RYR2: variants seen among roughly 807,000 people sequenced by gnomAD.
The protein encoded by RYR2 is cardiac muscle ryanodine receptor-calcium release channel.
RYR2 carries 227 observed loss-of-function variants against 601.1 expected under a neutral mutation model. The ratio of observed to expected loss-of-function variants is 0.38; its 90% CI spans 0.34 to 0.42. The LOEUF is 0.42. RYR2 is among the 10% of genes least tolerant of loss of function. The pLI, the probability that RYR2 is intolerant of heterozygous loss-of-function variation, is 1.00. For synonymous variants in RYR2, 2,223 were observed against 2,175.1 expected, an observed-to-expected ratio of 1.02 and a Z score of -0.61; for missense variants, 4,646 against 6,156.5, an observed-to-expected ratio of 0.75 and a Z score of 8.21.
intron 1 of RYR2, among the ~76,000 whole-genome samples, chr1:237,250,523 C>T (rs748393579): frequency 1.3e-5 from 2 of 152,282 alleles, no homozygotes; most frequent in Admixed American, 6.5e-5. Flanking sequence ...CGTGTCTAAT[C>T]TCAAGTGTGT....
intron 48 of RYR2, among the ~76,000 whole-genome samples, chr1:237,646,955 C>T (rs750599457): frequency 2.6e-5 from 4 of 152,276 alleles, no homozygotes; most frequent in Non-Finnish European, 4.4e-5. Context: ...TTGTGGCATT[C>T]ATTAGAAACA....
chr1:237,729,433 C>T (rs1468557191), intron 76 of RYR2, among the ~76,000 whole-genome samples: 6 of 152,140 alleles, frequency 3.9e-5, no homozygotes, highest in African/African-American at 1.4e-4. Flanking sequence ...GTTCCGGCTG[C>T]GTTGGCAGTT....
At chr1:237,208,964 A>ATATATATATATATATATG (rs1329970102) in intron 1 of RYR2, among the ~76,000 whole-genome samples, 5 of 104,584 alleles carry the variant, frequency 4.8e-5, no homozygotes, top group Admixed American at 3.1e-4. Flanking sequence ...ATATATATAT[A>ATATATATATATATATATG]TATATATATA....
chr1:237,353,275 G>A (rs1276881522), intron 3 of RYR2, among the ~76,000 whole-genome samples: 1 of 151,866 alleles, frequency 6.6e-6, no homozygotes, highest in Non-Finnish European at 1.5e-5. Flanking sequence ...ATGAATGCAC[G>A]AGATGGGTGG....
intron 55 of RYR2, among the ~76,000 whole-genome samples, chr1:237,660,521 A>C (rs908893993): frequency 1.3e-5 from 2 of 152,160 alleles, no homozygotes; most frequent in African/African-American, 4.8e-5. Context: ...ATATTACATA[A>C]GCTGTCCCTT....
At chr1:237,247,382 T>C (rs60602561) in intron 1 of RYR2, among the ~76,000 whole-genome samples, 4,977 of 152,290 alleles carry the variant, frequency 0.033, 277 homozygotes, top group African/African-American at 0.11. Flanking sequence ...TCTCCCTTTC[T>C]CACCTATTCA....
In RYR2 at chr1:237,833,594, G is replaced by A. The variant is rs1368693152; in HGVS notation, c.*947G>A. The A allele has an allele frequency of 3.3e-5, 5 of 152,664 alleles. No individual in the cohort carries two copies. Among genetic ancestry groups the A allele is most frequent in the Non-Finnish European group, 4.4e-5 (3 of 68,028 alleles). The allele number at this position is 152,664 out of a possible 1,614,324, so 9.5% of individuals were successfully genotyped here. A position where few individuals can be genotyped will look rare whatever the true frequency, so the allele number is the denominator to read the frequency against. On this transcript the variant is annotated 3_prime_UTR_variant, in exon 105 of 105. Coordinates refer to ENST00000366574, the MANE Select transcript of RYR2 (RefSeq NM_001035.3). ...TAATTATTCATAGTAATAAAGTGTC[G>A]TGGGCTTAATTGTATATCTGGAGCC...
In RYR2 at chr1:237,585,997, C is replaced by T. The variant is rs989869730; in HGVS notation, c.3599-3796C>T. 2.6e-5 allele frequency among the ~76,000 whole-genome samples: 4 copies of T among 152,138 alleles called. No individual in the cohort carries two copies. In the East Asian group the frequency reaches 7.7e-4, roughly 29 times the overall value. On this transcript the variant is annotated intron_variant, in intron 29 of 104. Coordinates refer to ENST00000366574, the MANE Select transcript of RYR2 (RefSeq NM_001035.3). ...AAAAATTGACTTTTAATACATCTCT[C>T]CTACTTAAAGAACTGAGATGATAGT...
chr1:237,248,568 A>G (rs1262450336), intron 1 of RYR2, among the ~76,000 whole-genome samples: 1 of 152,046 alleles, frequency 6.6e-6, no homozygotes, highest in Non-Finnish European at 1.5e-5. Flanking sequence ...TTCTTAGAAG[A>G]GGATGTTTTA....
chr1:237,188,334 G>C (rs371159346), intron 1 of RYR2, among the ~76,000 whole-genome samples: 2 of 151,192 alleles, frequency 1.3e-5, no homozygotes, highest in East Asian at 3.9e-4. Context: ...TGGTGTAGAT[G>C]ACTGTTTAAT....
intron 97 of RYR2, chr1:237,800,103 A>G (rs1659784146): frequency 6.6e-6 from 1 of 152,212 alleles, no homozygotes; most frequent in Non-Finnish European, 1.5e-5. Context: ...TGTGATACTG[A>G]TGGTATATTG....
chr1:237,327,159 T>A (rs1051076824), intron 2 of RYR2, among the ~76,000 whole-genome samples: 14 of 152,214 alleles, frequency 9.2e-5, no homozygotes, highest in African/African-American at 3.1e-4. Context: ...ACACTATTTT[T>A]TTTTTTAACT....
intron 1 of RYR2, among the ~76,000 whole-genome samples, chr1:237,255,446 C>A (rs1464935630): frequency 1.3e-5 from 2 of 152,098 alleles, no homozygotes; most frequent in South Asian, 2.1e-4. Context: ...TTCTTTTTAT[C>A]TTTTTCTAAA....
At chr1:237,064,041 T>G (rs1663222476) in intron 1 of RYR2, among the ~76,000 whole-genome samples, 2 of 152,188 alleles carry the variant, frequency 1.3e-5, no homozygotes, top group African/African-American at 4.8e-5. Context: ...TCATTCATTT[T>G]GGAAAATTCT....
At chr1:237,797,539 G>A (rs1280267239) in intron 96 of RYR2, among the ~76,000 whole-genome samples, 1 of 152,224 alleles carries the variant, frequency 6.6e-6, no homozygotes, top group Non-Finnish European at 1.5e-5. Flanking sequence ...TCATTGGCTG[G>A]GGAGTCAGGC....
chr1:237,230,986 G>T (rs115684050), intron 1 of RYR2, among the ~76,000 whole-genome samples: 1 of 150,964 alleles, frequency 6.6e-6, no homozygotes, highest in Non-Finnish European at 1.5e-5. Context: ...GAGTATGGTC[G>T]CTTTTTCCTG....
chr1:237,167,888 G>T (rs1676900396), intron 1 of RYR2, among the ~76,000 whole-genome samples: 2 of 152,072 alleles, frequency 1.3e-5, no homozygotes, highest in African/African-American at 4.8e-5. Flanking sequence ...CACTATGCCA[G>T]TCCATAAGTA....
intron 1 of RYR2, among the ~76,000 whole-genome samples, chr1:237,093,730 C>T (rs917532183): frequency 4.6e-5 from 7 of 152,104 alleles, no homozygotes; most frequent in African/African-American, 1.2e-4. Context: ...TATTGGCAGG[C>T]GTGGGATCCC....
At position 237,099,335 on chromosome 1, in the gene RYR2, TC is replaced by T. The variant is rs1271761683; in HGVS notation, c.48+56767del. On this transcript the variant is annotated intron_variant, in intron 1 of 104. Coordinates refer to ENST00000366574, the MANE Select transcript of RYR2 (RefSeq NM_001035.3). ...TCACTGCAGTCTCAACCTCCCGGGC[TC>T]AAGCAATCCTCTTACCTCAGCCTCC... 2.0e-5 allele frequency among the ~76,000 whole-genome samples: 3 copies of T among 152,058 alleles called. No individual in the cohort carries two copies. In the East Asian group the frequency reaches 5.8e-4, roughly 29 times the overall value.
Sources: gnomAD v4.1 joint callset for allele counts (sites outside exome capture counted in the v4.1 genomes callset) on GRCh38, gnomAD v4.1.1 for gene constraint, MANE v1.5 for transcripts, NCBI Gene and HGNC (gene_info 2026-07-23, HGNC 2026-07-21) for gene names.